The following SMG1 variants were observed in gnomAD, a reference collection of about 807,000 sequenced individuals.
SMG1 encodes the protein SMG1 nonsense mediated mRNA decay associated PI3K related kinase, also known as serine/threonine-protein kinase SMG1.
A neutral mutation model predicts 419.9 loss-of-function variants in SMG1; 22 were observed. The observed-to-expected ratio is 0.05, with a 90% CI of 0.04 to 0.07. The LOEUF is 0.07. SMG1 is among the 10% of genes least tolerant of loss of function. The probability of loss-of-function intolerance (pLI) is 1.00; values close to 1 mark genes in which losing one functional copy is unlikely to be tolerated. For synonymous variants in SMG1, 1,538 were observed against 1,553.5 expected (o/e 0.99, Z 0.23); for missense variants, 3,185 against 4,342.0 (o/e 0.73, Z 7.49).
In SMG1 at chr16:18,812,121, C is replaced by T. The variant is rs748584956; in HGVS notation, c.10628G>A (p.Arg3543Gln). ...TYQPSFAAAVRSNTGQKTQPD... is the reference protein window; with the variant it reads ...TYQPSFAAAVQSNTGQKTQPD... ...CTGAGTCTTCTGGCCAGTGTTACTC[C>T]GGACTGCTACAGAGAAAGAGTTGGT... Residue 3543 changes from arginine to glutamine, a missense_variant, in exon 61 of 63, where the codon CGG becomes CAG. By Grantham distance (43) the Arg-to-Gln change is conservative. Coordinates refer to ENST00000446231, the MANE Select transcript of SMG1 (RefSeq NM_015092.5). 77 of 1,610,928 alleles carry T rather than the reference C, an allele frequency of 4.8e-5. 1 individual carries two copies. The highest frequency in any genetic ancestry group is 1.7e-4 in the Middle Eastern group (1 of 5,954).
intron 1 of SMG1, among the ~76,000 whole-genome samples, chr16:18,909,095 C>T (rs1018199934): frequency 2.6e-5 from 4 of 150,964 alleles, no homozygotes; most frequent in African/African-American, 9.9e-5. Context: ...GTAATCCCAG[C>T]ACTTTAGGAG....
At position 18,896,021 on chromosome 16, in the gene SMG1, A is replaced by G. The variant is rs550324120; in HGVS notation, c.412+31T>C. The stretch of plus-strand genomic sequence containing the variant: ...GGAGATACAAGTCTTTGGAAGGTGT[A>G]TGTGATTGGTCCCCGTTTTCCCAGC... On this transcript the variant is annotated intron_variant, in intron 3 of 62. Transcript: ENST00000446231. 47 of 1,604,234 alleles carry G rather than the reference A, an allele frequency of 2.9e-5. No homozygotes were observed. The African/African-American group carries it at 4.9e-4, about 17-fold the overall frequency.
Position 18,892,336 on chromosome 16 carries a change from G to A in SMG1, c.431C>T (p.Ser144Phe), listed in dbSNP as rs766737607. 1.0e-5 allele frequency: 16 copies of A among 1,549,380 alleles called. No homozygotes were observed. The highest frequency in any genetic ancestry group is 1.4e-5 in the Non-Finnish European group (16 of 1,146,544). The change falls in exon 4 of 63, where the codon TCT becomes TTT. Residue 144 changes from serine to phenylalanine, a missense_variant. By Grantham distance (155) the Ser-to-Phe change is radical. Transcript: ENST00000446231. ...RKSQERSMSY[S>F]DESRLSNLLR... ...AAGATTCGACAGTCGAGACTCATCA[G>A]AATAAGACATCGATCTCTCTGTGAA...
chr16:18,844,462 C>A (rs1423657428), intron 39 of SMG1, among the ~76,000 whole-genome samples: 5 of 24,624 alleles, frequency 2.0e-4, no homozygotes, highest in Admixed American at 4.1e-4. Flanking sequence ...ACACCCCCCC[C>A]CCCCGCCCAC....
chr16:18,876,469 T>C (rs2036137982), intron 12 of SMG1, 76 bp from the exon 13 acceptor site: 1 of 1,425,698 alleles, frequency 7.0e-7, no homozygotes, highest in African/African-American at 1.4e-5. Context: ...TAAATCACTA[T>C]CTGTATTAGT....
chr16:18,813,003 C>T (rs956154419), intron 60 of SMG1, among the ~76,000 whole-genome samples: 2 of 152,082 alleles, frequency 1.3e-5, no homozygotes, highest in African/African-American at 4.8e-5. Flanking sequence ...ATGAACTCAT[C>T]CTTTTTTATG....
rs760584937 is a variant in SMG1 at position 18,819,557 on chromosome 16, G to C, written c.9839C>G (p.Ala3280Gly). ...AAGATTTCTTCTTTCAGCTATCGTTGCTTCAAAATCTTGTAGTACAGGGGC... is the reference window on the plus strand; with the variant it reads ...AAGATTTCTTCTTTCAGCTATCGTTCCTTCAAAATCTTGTAGTACAGGGGC... ...ALAPVLQDFE[A>G]TIAERRNLVL... Residue 3280 changes from alanine to glycine, a missense_variant, in exon 56 of 63, where the codon GCA becomes GGA. By Grantham distance (60) the Ala-to-Gly change is moderately conservative. This residue lies in a region of SMG1 where 737 missense variants were observed against 846.6 expected (regional missense o/e 0.87). Transcript: ENST00000446231. 11 of 1,605,570 alleles carry C rather than the reference G, an allele frequency of 6.9e-6. No individual in the cohort carries two copies. Among genetic ancestry groups the C allele is most frequent in the Non-Finnish European group, 9.4e-6 (11 of 1,175,768 alleles).
chr16:18,909,004 G>A (rs1211903985), intron 1 of SMG1, among the ~76,000 whole-genome samples: 5 of 151,990 alleles, frequency 3.3e-5, no homozygotes. Context: ...GGAATGACAT[G>A]TTTATAAGAT....
At chr16:18,897,309 C>G (rs1596620860) in intron 1 of SMG1, among the ~76,000 whole-genome samples, 1 of 152,170 alleles carries the variant, frequency 6.6e-6, no homozygotes, top group African/African-American at 2.4e-5. Context: ...CCTCACATGA[C>G]TTGATAATAA....
At position 18,807,098 on chromosome 16, in the gene SMG1, T is replaced by C. The variant is rs1489300964; in HGVS notation, c.*2471A>G. ...GATAATTTACCAGAGGCACATGCTT[T>C]TGAAGTAAAGCTGTTTTTTGTTTTT... On this transcript the variant is annotated 3_prime_UTR_variant, in exon 63 of 63. Coordinates refer to ENST00000446231, the MANE Select transcript of SMG1 (RefSeq NM_015092.5). 6.6e-6 allele frequency: 1 copy of C among 152,224 alleles called. No individual in the cohort carries two copies. Among genetic ancestry groups the C allele is most frequent in the Non-Finnish European group, 1.5e-5 (1 of 68,040 alleles). The allele number at this position is 152,224 out of a possible 1,614,324, so 9.4% of individuals were successfully genotyped here.
intron 1 of SMG1, among the ~76,000 whole-genome samples, chr16:18,904,074 A>T (rs2037459383): frequency 6.6e-6 from 1 of 150,728 alleles, no homozygotes; most frequent in Admixed American, 6.6e-5. Context: ...AGTAGCTGGA[A>T]CTACAGGCGC....
Position 18,845,561 on chromosome 16 carries a change from C to T in SMG1, c.6087G>A (p.Ala2029=), listed in dbSNP as rs370546722. ...FALEHVRSIT[A]APAETPHEKW... is the part of the protein sequence containing the mutation. ...TTTCATGAGGTGTTTCTGCAGGAGC[C>T]GCTGTGATACTCCTCACATGCTCCA... Residue 2029 remains alanine (A), a synonymous_variant, in exon 39 of 63, where the codon GCG becomes GCA. Coordinates refer to ENST00000446231, the MANE Select transcript of SMG1 (RefSeq NM_015092.5). The T allele has an allele frequency of 1.2e-4, 194 of 1,613,722 alleles. No homozygotes were observed. The highest frequency in any genetic ancestry group is 2.5e-4 in the Admixed American group (15 of 59,990).
At chr16:18,864,913 T>A (rs1439105362) in intron 23 of SMG1, among the ~76,000 whole-genome samples, 1 of 152,206 alleles carries the variant, frequency 6.6e-6, no homozygotes, top group Non-Finnish European at 1.5e-5. Flanking sequence ...ACTATGAAAC[T>A]AAATTTAAAA....
chr16:18,865,257 A>AC (rs1394077101), intron 23 of SMG1, among the ~76,000 whole-genome samples: 20 of 152,350 alleles, frequency 1.3e-4, no homozygotes, highest in African/African-American at 4.1e-4. Context: ...ACTATTAGTC[A>AC]TTAATAAATA....
chr16:18,904,390 T>G (rs1402625693), intron 1 of SMG1, among the ~76,000 whole-genome samples: 2 of 151,334 alleles, frequency 1.3e-5, no homozygotes, highest in African/African-American at 4.9e-5. Context: ...ATCCCAGCAC[T>G]TTGGGAAGCG....
chr16:18,849,362 A>T lies in SMG1; in HGVS notation c.5478T>A (p.Leu1826=). Residue 1826 remains leucine, a synonymous_variant, in exon 36 of 63, where the codon CTT becomes CTA. Coordinates refer to ENST00000446231, the MANE Select transcript of SMG1 (RefSeq NM_015092.5). ...TAPWRGIIPQ[L]FSRLNHPEVY... is the part of the protein sequence containing the mutation. ...CTTCAGGGTGGTTTAAGCGTGAGAA[A>T]AGTTGCGGAATAATTCCTTCAGGAC... The T allele has an allele frequency of 6.2e-7, 1 of 1,611,450 alleles. No individual in the cohort carries two copies. Among genetic ancestry groups the T allele is most frequent in the East Asian group, 2.2e-5 (1 of 44,832 alleles).
intron 13 of SMG1, among the ~76,000 whole-genome samples, chr16:18,873,471 C>T (rs569203533): frequency 5.9e-5 from 9 of 152,356 alleles, no homozygotes; most frequent in African/African-American, 2.2e-4. Flanking sequence ...ATCTGCCCCC[C>T]TCGGTCTCCC....
In SMG1 at chr16:18,926,073, G is replaced by C. The variant is rs1373227052; in HGVS notation, c.-32C>G. On this transcript the variant is annotated 5_prime_UTR_variant, in exon 1 of 63. Coordinates refer to ENST00000446231, the MANE Select transcript of SMG1 (RefSeq NM_015092.5). Reference sequence around the variant, plus strand: ...CCCCGACACGACATGGCCAAGCGCCGCCGCCCAAAGAAGCGCGAGTCGCCG... The same window carrying C: ...CCCCGACACGACATGGCCAAGCGCCCCCGCCCAAAGAAGCGCGAGTCGCCG... The C allele has an allele frequency of 9.8e-6, 15 of 1,534,968 alleles. No individual in the cohort carries two copies. Among genetic ancestry groups the C allele is most frequent in the Non-Finnish European group, 1.3e-5 (15 of 1,149,506 alleles).
chr16:18,871,293 T>C, intron 16 of SMG1, 71 bp downstream of exon 16: 2 of 672,648 alleles, frequency 3.0e-6, no homozygotes, highest in Non-Finnish European at 2.4e-6. Flanking sequence ...TTCATGACCA[T>C]CTCCCATTAC....
Sources: allele counts gnomAD v4.1 joint callset (sites outside exome capture counted in the v4.1 genomes callset), GRCh38; gene constraint gnomAD v4.1.1; regional missense constraint gnomAD v4.1.1; transcripts MANE v1.5; gene names NCBI Gene and HGNC (gene_info 2026-07-23, HGNC 2026-07-21).